Variants in RPS6KC1 observed in about 807,000 individuals in gnomAD.
RPS6KC1 encodes the protein inactive ribosomal protein S6 kinase delta-1.
Under a neutral mutation model 103.8 loss-of-function variants are expected in RPS6KC1, and 54 were observed. The ratio of observed to expected loss-of-function variants is 0.52; its 90% CI spans 0.42 to 0.65. The LOEUF is 0.65. Ranked by LOEUF, RPS6KC1 falls within the 30% of genes least tolerant of loss-of-function variation. The probability of loss-of-function intolerance (pLI) is 0.00; values close to 1 mark genes in which losing one functional copy is unlikely to be tolerated. For missense variants in RPS6KC1, 1,151 were observed against 1,253.8 expected (o/e 0.92, Z 1.24); for synonymous variants, 439 against 438.7 (o/e 1.00, Z -0.01).
chr1:213,736,293 C>T, the RPS6KC1 span, among the ~76,000 whole-genome samples: 7 of 152,112 alleles, frequency 4.6e-5, no homozygotes, highest in South Asian at 2.1e-4. Flanking sequence ...TCAGCCAGGC[C>T]GTGTTCTCAT....
At chr1:213,495,522 A>C in the RPS6KC1 span, among the ~76,000 whole-genome samples, 1 of 152,142 alleles carries the variant, frequency 6.6e-6, no homozygotes, top group African/African-American at 2.4e-5. Flanking sequence ...GGGTTTCACC[A>C]TGTTGGCCAG....
chr1:213,795,765 AC>A, the RPS6KC1 span, among the ~76,000 whole-genome samples: 1 of 151,662 alleles, frequency 6.6e-6, no homozygotes, highest in African/African-American at 2.4e-5. Context: ...CTCCTCCCCT[AC>A]CTTTATTTTT....
In RPS6KC1 at chr1:213,137,777, C is replaced by A. The variant is rs66907286; in HGVS notation, c.835+7888C>A. 3.8e-3 allele frequency among the ~76,000 whole-genome samples: 239 copies of A among 63,588 alleles called. 3 individuals are homozygous for A. The highest frequency in any genetic ancestry group is 0.021 in the African/African-American group (200 of 9,406). 41.7% of individuals were successfully genotyped at this position (63,588 alleles called of 152,430 possible). ...GCTCTCTCTCTCTCTCTCTCTCTCT[C>A]TATATATATATATATATATATATTT... On this transcript the variant is annotated intron_variant, in intron 6 of 14. Coordinates refer to ENST00000366960, the MANE Select transcript of RPS6KC1 (RefSeq NM_012424.6).
the RPS6KC1 span, among the ~76,000 whole-genome samples, chr1:213,455,897 C>T: frequency 0.69 from 105,690 of 152,108 alleles, 36,964 homozygotes; most frequent in East Asian, 0.87. Flanking sequence ...CATGACACTC[C>T]ACTGCTTGAA....
intron 3 of RPS6KC1, among the ~76,000 whole-genome samples, chr1:213,095,894 C>T (rs540278903): frequency 6.6e-6 from 1 of 152,282 alleles, no homozygotes; most frequent in African/African-American, 2.4e-5. Flanking sequence ...TGATGGCTGC[C>T]AACTGATCAG....
the RPS6KC1 span, among the ~76,000 whole-genome samples, chr1:213,323,422 G>C: frequency 6.6e-6 from 1 of 152,154 alleles, no homozygotes; most frequent in Non-Finnish European, 1.5e-5. Context: ...AGTGGATCCT[G>C]GTGATGTATC....
intron 3 of RPS6KC1, among the ~76,000 whole-genome samples, chr1:213,081,737 C>T (rs2079911682): frequency 6.6e-6 from 1 of 151,018 alleles, no homozygotes; most frequent in Non-Finnish European, 1.5e-5. Context: ...ATTCTGGTAG[C>T]CTATGAAGAG....
intron 3 of RPS6KC1, among the ~76,000 whole-genome samples, chr1:213,091,306 T>C (rs1343056635): frequency 6.6e-6 from 1 of 152,090 alleles, no homozygotes; most frequent in African/African-American, 2.4e-5. Context: ...GTGATCTGCC[T>C]GCCTCAGCCT....
chr1:213,851,774 C>A, the RPS6KC1 span, among the ~76,000 whole-genome samples: 1 of 152,174 alleles, frequency 6.6e-6, no homozygotes, highest in East Asian at 1.9e-4. Flanking sequence ...TCTCTTATTG[C>A]CACACGTGAC....
the RPS6KC1 span, among the ~76,000 whole-genome samples, chr1:213,372,450 A>T: frequency 3.3e-5 from 5 of 152,178 alleles, no homozygotes; most frequent in Non-Finnish European, 7.4e-5. Context: ...GGGATTGGGC[A>T]TCTGCGTGTG....
chr1:213,694,845 G>A, the RPS6KC1 span, among the ~76,000 whole-genome samples: 3 of 152,182 alleles, frequency 2.0e-5, no homozygotes, highest in Non-Finnish European at 4.4e-5. Flanking sequence ...AGCATTTGTT[G>A]AACATCTACT....
the RPS6KC1 span, among the ~76,000 whole-genome samples, chr1:213,753,143 C>T: frequency 7.9e-5 from 12 of 152,230 alleles, no homozygotes; most frequent in East Asian, 1.9e-4. Context: ...CCCCCTCCGA[C>T]GCATCCAGTG....
chr1:213,602,120 C>CTCTCTCTCTCTCTCTCTCTT, the RPS6KC1 span, among the ~76,000 whole-genome samples: 8 of 5,158 alleles, frequency 1.6e-3, no homozygotes, highest in African/African-American at 5.4e-3. Flanking sequence ...TTCTTTCTTT[C>CTCTCTCTCTCTCTCTCTCTT]TCTTTCTTTC....
At chr1:213,156,244 A>T (rs2148011796) in intron 6 of RPS6KC1, among the ~76,000 whole-genome samples, 1 of 152,340 alleles carries the variant, frequency 6.6e-6, no homozygotes, top group South Asian at 2.1e-4. Flanking sequence ...TCTGTGGCAG[A>T]TTAGATTTTC....
At chr1:213,779,190 G>A in the RPS6KC1 span, among the ~76,000 whole-genome samples, 2 of 152,164 alleles carry the variant, frequency 1.3e-5, no homozygotes, top group Non-Finnish European at 2.9e-5. Context: ...TTGTAAGGAG[G>A]CCAGAGATGA....
At chr1:213,177,855 G>GAGTA (rs1201938730) in intron 8 of RPS6KC1, among the ~76,000 whole-genome samples, 3 of 152,078 alleles carry the variant, frequency 2.0e-5, no homozygotes, top group Non-Finnish European at 4.4e-5. Flanking sequence ...CTATAAGTGT[G>GAGTA]AGTAAGTTAC....
intron 8 of RPS6KC1, among the ~76,000 whole-genome samples, chr1:213,213,295 G>A (rs1402858275): frequency 6.6e-6 from 1 of 152,170 alleles, no homozygotes; most frequent in South Asian, 2.1e-4. Context: ...TGGCTGTCTA[G>A]CACCATTTTT....
At chr1:213,482,814 C>A in the RPS6KC1 span, among the ~76,000 whole-genome samples, 4 of 151,580 alleles carry the variant, frequency 2.6e-5, no homozygotes, top group Non-Finnish European at 5.9e-5. Context: ...CCCAAAGTGA[C>A]CTTTGTTTTT....
At chr1:213,582,754 C>T in the RPS6KC1 span, among the ~76,000 whole-genome samples, 2 of 152,182 alleles carry the variant, frequency 1.3e-5, no homozygotes, top group Admixed American at 6.5e-5. Flanking sequence ...AACTTAAAAT[C>T]AGTTTTACTG....
Sources: allele counts gnomAD v4.1 joint callset (sites outside exome capture counted in the v4.1 genomes callset), GRCh38; gene constraint gnomAD v4.1.1; transcripts MANE v1.5; gene names NCBI Gene and HGNC (gene_info 2026-07-23, HGNC 2026-07-21).